The following FBXO16 variants were observed in gnomAD, a reference collection of about 807,000 sequenced individuals.
FBXO16 encodes F-box protein 16.
Under a neutral mutation model 41.0 loss-of-function variants are expected in FBXO16, and 31 were observed. That is an observed-to-expected ratio of 0.76 (90% CI 0.57 to 1.02). The LOEUF is 1.02. FBXO16 is among the 50% of genes least tolerant of loss of function. The probability of loss-of-function intolerance (pLI) is 0.00; values close to 1 mark genes in which losing one functional copy is unlikely to be tolerated. For missense variants in FBXO16, 361 were observed against 346.2 expected (o/e 1.04, Z -0.34); for synonymous variants, 133 against 117.8 (o/e 1.13, Z -0.84).
chr8:28,456,623 A>G, intron 5 of FBXO16, 143 bp downstream of exon 5: 1 of 973,406 alleles, frequency 1.0e-6, no homozygotes. Flanking sequence ...ATCAAGTCTC[A>G]GAAAAGGAGA....
intron 2 of FBXO16, among the ~76,000 whole-genome samples, chr8:28,477,942 G>A (rs1207361505): frequency 1.3e-5 from 2 of 152,162 alleles, no homozygotes; most frequent in Non-Finnish European, 2.9e-5. Context: ...GAGCCCAGGA[G>A]GTGGAGGCTG....
chr8:28,436,391 G>A (rs1400981631), intron 7 of FBXO16, among the ~76,000 whole-genome samples: 1 of 152,346 alleles, frequency 6.6e-6, no homozygotes, highest in East Asian at 1.9e-4. Flanking sequence ...GGCGGAAACA[G>A]AGGCAAGGTG....
chr8:28,432,874 T>C (rs977852813), intron 7 of FBXO16, among the ~76,000 whole-genome samples: 1 of 151,900 alleles, frequency 6.6e-6, no homozygotes, highest in African/African-American at 2.4e-5. Context: ...CTAGCAAACA[T>C]GGTGAAACCC....
rs147243939 is a variant in FBXO16 at position 28,441,900 on chromosome 8, GTATA to G, written c.843+5267_843+5270del. ...TATATATATATATAAACTCCACAGT[GTATA>G]TATATATGTGTGTGTGTGTGTGTGT... is the stretch of plus-strand genomic sequence containing the variant. On this transcript the variant is annotated intron_variant, in intron 7 of 8. Coordinates refer to ENST00000380254, the MANE Select transcript of FBXO16 (RefSeq NM_172366.4). Among the ~76,000 whole-genome samples the G allele has an allele frequency of 4.3e-3, 542 of 127,130 alleles. 2 individuals are homozygous for G. The highest frequency in any genetic ancestry group is 0.015 in the East Asian group (73 of 4,910). 83.4% of individuals were successfully genotyped at this position (127,130 alleles called of 152,430 possible). A position where few individuals can be genotyped will look rare whatever the true frequency, so the allele number is the denominator to read the frequency against.
chr8:28,440,874 A>G (rs1802761414), intron 7 of FBXO16, among the ~76,000 whole-genome samples: 1 of 152,192 alleles, frequency 6.6e-6, no homozygotes, highest in Non-Finnish European at 1.5e-5. Context: ...GTGCTAGACA[A>G]AGGGTATTTG....
At chr8:28,460,223 G>GTATATATATATA (rs1408340610) in intron 4 of FBXO16, among the ~76,000 whole-genome samples, 33 of 89,772 alleles carry the variant, frequency 3.7e-4, no homozygotes, top group East Asian at 1.6e-3. Flanking sequence ...ATATATGTGT[G>GTATATATATATA]TGTATATATA....
intron 4 of FBXO16, among the ~76,000 whole-genome samples, chr8:28,459,574 C>A (rs1426419041): frequency 6.8e-6 from 1 of 147,538 alleles, no homozygotes; most frequent in Non-Finnish European, 1.5e-5. Context: ...GAGCCGAGAT[C>A]GAGCCATTGC....
intron 2 of FBXO16, among the ~76,000 whole-genome samples, chr8:28,480,133 T>C (rs1306785713): frequency 2.0e-5 from 3 of 152,184 alleles, no homozygotes; most frequent in Non-Finnish European, 1.5e-5. Flanking sequence ...TTGTTTCTCC[T>C]GGTCCGTCTA....
chr8:28,438,569 T>C (rs1295482625), intron 7 of FBXO16, among the ~76,000 whole-genome samples: 1 of 152,164 alleles, frequency 6.6e-6, no homozygotes, highest in African/African-American at 2.4e-5. Context: ...AGTATGATTT[T>C]TACTGCTGTT....
chr8:28,470,062 T>C (rs1450561464), intron 3 of FBXO16, among the ~76,000 whole-genome samples: 7 of 145,670 alleles, frequency 4.8e-5, no homozygotes, highest in South Asian at 2.2e-4. Context: ...GGCGCGGTGG[T>C]GGGCACCTGT....
chr8:28,462,063 C>T (rs1204027719), intron 4 of FBXO16, among the ~76,000 whole-genome samples: 1 of 151,978 alleles, frequency 6.6e-6, no homozygotes, highest in Non-Finnish European at 1.5e-5. Context: ...CTTCAGCCTC[C>T]CAAGTAGCTG....
Position 28,480,232 on chromosome 8 carries a change from A to G in FBXO16, c.99+3116T>C, listed in dbSNP as rs76914168. On this transcript the variant is annotated intron_variant, in intron 2 of 8. Coordinates refer to ENST00000380254, the MANE Select transcript of FBXO16 (RefSeq NM_172366.4). The stretch of plus-strand genomic sequence containing the variant: ...CTCCATTTTATTTCTCACTATTCCA[A>G]TCTCTACCTTGGCCCTTCTGTTCCT... Among the ~76,000 whole-genome samples the G allele has an allele frequency of 1.5e-3, 231 of 151,400 alleles. 1 individual carries two copies. The highest frequency in any genetic ancestry group is 7.2e-3 in the East Asian group (37 of 5,132).
intron 7 of FBXO16, among the ~76,000 whole-genome samples, chr8:28,445,248 T>G (rs1060411): frequency 0.41 from 61,554 of 151,848 alleles, 13,105 homozygotes; most frequent in East Asian, 0.59. Context: ...CACTGCTTAA[T>G]GTACCCTGGT....
chr8:28,452,359 T>G lies in FBXO16; in HGVS notation c.625A>C (p.Asn209His), dbSNP rs767991916. ...GGAAGTGCTTTCTCCCCTGAGTTAT[T>G]CTTCTTTCTTAAAGAGGAAGAGGAC... ...FRSSSSLRKK[N>H]NSGEKALPPW... Residue 209 changes from asparagine to histidine, a missense_variant, in exon 6 of 9, where the codon AAT (asparagine) becomes CAT (histidine). Coordinates refer to ENST00000380254, the MANE Select transcript of FBXO16 (RefSeq NM_172366.4). 2.5e-6 allele frequency: 4 copies of G among 1,614,144 alleles called. No homozygotes were observed. In the South Asian group the frequency reaches 4.4e-5, roughly 18 times the overall value.
chr8:28,470,113 G>T (rs1342041333), intron 3 of FBXO16, among the ~76,000 whole-genome samples: 1 of 150,880 alleles, frequency 6.6e-6, no homozygotes, highest in African/African-American at 2.4e-5. Context: ...AGAATGGCGT[G>T]AACCCAGGAG....
chr8:28,450,056 G>A (rs1448467599), intron 6 of FBXO16, among the ~76,000 whole-genome samples: 1 of 151,416 alleles, frequency 6.6e-6, no homozygotes, highest in Non-Finnish European at 1.5e-5. Context: ...CCCACTTTCT[G>A]GTTTTAAAAT....
chr8:28,454,480 G>A (rs952306380), intron 5 of FBXO16, among the ~76,000 whole-genome samples: 1 of 151,690 alleles, frequency 6.6e-6, no homozygotes, highest in African/African-American at 2.4e-5. Context: ...TGTAATCCCA[G>A]CACTTTGGGA....
chr8:28,466,714 T>C (rs1027725964), intron 3 of FBXO16, among the ~76,000 whole-genome samples: 4 of 151,000 alleles, frequency 2.6e-5, no homozygotes, highest in African/African-American at 4.9e-5. Context: ...AGAATGGCGA[T>C]AAAGAGCCAA....
intron 7 of FBXO16, among the ~76,000 whole-genome samples, chr8:28,430,796 C>A (rs1449334049): frequency 1.3e-5 from 2 of 152,102 alleles, no homozygotes; most frequent in East Asian, 3.9e-4. Flanking sequence ...CATGGTGAAA[C>A]CCTGTCTCTA....
Sources: gnomAD v4.1 joint callset for allele counts (sites outside exome capture counted in the v4.1 genomes callset) on GRCh38, gnomAD v4.1.1 for gene constraint, MANE v1.5 for transcripts, NCBI Gene and HGNC (gene_info 2026-07-23, HGNC 2026-07-21) for gene names.